ALS2: variants seen among roughly 807,000 people sequenced by gnomAD.
The protein encoded by ALS2 is alsin Rho guanine nucleotide exchange factor ALS2.
A neutral mutation model predicts 203.4 loss-of-function variants in ALS2; 117 were observed. The ratio of observed to expected loss-of-function variants is 0.58; its 90% CI spans 0.50 to 0.67. The LOEUF (loss-of-function observed/expected upper bound fraction) is 0.67, where lower values mean the gene tolerates loss of function less well. Among genes scored for constraint, ALS2 ranks in the 30% least tolerant of loss-of-function variants. The pLI is 0.00. For synonymous variants in ALS2, 718 were observed against 725.9 expected, an observed-to-expected ratio of 0.99 and a Z score of 0.17; for missense variants, 1,715 against 1,989.4, an observed-to-expected ratio of 0.86 and a Z score of 2.62.
chr2:201,716,178 C>G (rs1208572161), intron 24 of ALS2, among the ~76,000 whole-genome samples: 1 of 151,932 alleles, frequency 6.6e-6, no homozygotes, highest in African/African-American at 2.4e-5. Context: ...GAGGCCAAGG[C>G]AGGTGGAACA....
At chr2:201,760,532 A>G (rs1035804355) in intron 4 of ALS2, 72 of 1,045,046 alleles carry the variant, frequency 6.9e-5, no homozygotes, top group Admixed American at 9.9e-5. Context: ...AGTAAGAAGA[A>G]TCTTTGTGAA....
rs775986433 is a variant in ALS2, at chr2:201,741,747, G to C, written c.2278C>G (p.Leu760Val). 2.5e-6 allele frequency: 4 copies of C among 1,614,006 alleles called. No homozygotes were observed. The highest frequency in any genetic ancestry group is 2.7e-5 in the African/African-American group (2 of 74,902). Residue 760 changes from leucine (L) to valine (V), a missense_variant, in exon 11 of 34, where the codon CTT becomes GTT. This residue lies in a region of ALS2 where 1,227 missense variants were observed against 1,413.5 expected (regional missense o/e 0.87). Coordinates refer to ENST00000264276, the MANE Select transcript of ALS2 (RefSeq NM_020919.4). ...CTCCTGGCTTCCTTTACCCCATGAAGGAAGCTGCTCAATGAGGCTCCATGC... is the reference window on the plus strand; with the variant it reads ...CTCCTGGCTTCCTTTACCCCATGAACGAAGCTGCTCAATGAGGCTCCATGC... ...GQHGASLSSF[L>V]HGVKEARSLV...
chr2:201,728,390 G>A (rs1691330034), intron 15 of ALS2, 122 bp downstream of exon 15: 9 of 1,377,744 alleles, frequency 6.5e-6, no homozygotes, highest in Non-Finnish European at 8.2e-6. Context: ...ATGATGGCTA[G>A]CCTCTTTTAG....
At chr2:201,739,711 C>T (rs1344908160) in intron 11 of ALS2, among the ~76,000 whole-genome samples, 1 of 150,722 alleles carries the variant, frequency 6.6e-6, no homozygotes, top group Non-Finnish European at 1.5e-5. Context: ...CCATTGCACT[C>T]CAGCCTGGGC....
intron 1 of ALS2, among the ~76,000 whole-genome samples, chr2:201,776,403 A>G (rs867536883): frequency 6.6e-6 from 1 of 152,186 alleles, no homozygotes. Context: ...ACATGGTACA[A>G]TAAGTTCCCA....
chr2:201,718,796 T>G (rs750511735), intron 23 of ALS2, among the ~76,000 whole-genome samples: 5 of 152,142 alleles, frequency 3.3e-5, no homozygotes. Flanking sequence ...TAGGGGATGA[T>G]GTAAATTACA....
intron 23 of ALS2, among the ~76,000 whole-genome samples, chr2:201,721,438 T>G (rs1396720250): frequency 6.6e-6 from 1 of 152,228 alleles, no homozygotes; most frequent in African/African-American, 2.4e-5. Flanking sequence ...ATCTAGATGG[T>G]GTGGTATTAA....
chr2:201,702,001 T>G, intron 33 of ALS2, 112 bp from the exon 34 acceptor site: 1 of 918,182 alleles, frequency 1.1e-6, no homozygotes, highest in Non-Finnish European at 1.8e-6. Flanking sequence ...ATTCAGCTGA[T>G]GGCCCAACAG....
intron 2 of ALS2, 26 bp from the exon 3 acceptor site, chr2:201,767,409 A>G (rs1222362540): frequency 6.2e-7 from 1 of 1,611,768 alleles, no homozygotes; most frequent in Non-Finnish European, 8.5e-7. Context: ...ACATAGCTTA[A>G]TTGTTTCTAC....
intron 2 of ALS2, among the ~76,000 whole-genome samples, chr2:201,767,748 G>A (rs1380960556): frequency 6.6e-6 from 1 of 151,218 alleles, no homozygotes; most frequent in Non-Finnish European, 1.5e-5. Context: ...TGAACCTGTA[G>A]TCCCAGCTAC....
At chr2:201,745,484 T>C (rs1692571487) in intron 9 of ALS2, among the ~76,000 whole-genome samples, 1 of 152,100 alleles carries the variant, frequency 6.6e-6, no homozygotes, top group African/African-American at 2.4e-5. Context: ...TAGAATATAC[T>C]AGTTTTGGGG....
Position 201,757,625 on chromosome 2 carries a change from C to T in ALS2, c.1248G>A (p.Leu416=), listed in dbSNP as rs1211995765. The T allele has an allele frequency of 1.2e-6, 2 of 1,614,042 alleles. No individual in the cohort carries two copies. The highest frequency in any genetic ancestry group is 2.7e-5 in the African/African-American group (2 of 74,932). ...RVAATYEAGA[L]SLKKVMNFYS... is the part of the protein sequence containing the mutation. The stretch of plus-strand genomic sequence containing the variant: ...AAAAGTTCATAACTTTCTTCAGTGA[C>T]AAGGCACCAGCTTCATAAGTAGCAG... Residue 416 remains leucine (L), a synonymous_variant, in exon 5 of 34, where the codon TTG becomes TTA. Coordinates refer to ENST00000264276, the MANE Select transcript of ALS2 (RefSeq NM_020919.4).
At chr2:201,756,564 T>C (rs1051615724) in intron 5 of ALS2, among the ~76,000 whole-genome samples, 1 of 152,226 alleles carries the variant, frequency 6.6e-6, no homozygotes, top group Non-Finnish European at 1.5e-5. Flanking sequence ...TATGTTTTTG[T>C]AAATAAAGTT....
chr2:201,752,122 G>T (rs1693102120), intron 7 of ALS2, among the ~76,000 whole-genome samples: 1 of 151,876 alleles, frequency 6.6e-6, no homozygotes, highest in South Asian at 2.1e-4. Context: ...GAATATTTTG[G>T]GGACTGTACT....
chr2:201,714,109 C>A (rs532225873), intron 25 of ALS2, among the ~76,000 whole-genome samples: 17 of 152,230 alleles, frequency 1.1e-4, no homozygotes, highest in Middle Eastern at 3.4e-3. Flanking sequence ...TAGCAAGACC[C>A]TGTCTCTATT....
At position 201,705,204 on chromosome 2, in the gene ALS2, C is replaced by A. The variant is rs765859367; in HGVS notation, c.4627-4G>T. On this transcript the variant is annotated splice_polypyrimidine_tract_variant and splice_region_variant and intron_variant, in intron 30 of 33. Transcript: ENST00000264276. Reference sequence around the variant, plus strand: ...CATCTTTCGTGGTTGGCAAAACCTGCAAAAAAGAGAGTGAAGGTCAAGGAG... The same window carrying A: ...CATCTTTCGTGGTTGGCAAAACCTGAAAAAAAGAGAGTGAAGGTCAAGGAG... 1.9e-6 allele frequency: 3 copies of A among 1,613,720 alleles called. No homozygotes were observed. Among genetic ancestry groups the A allele is most frequent in the Non-Finnish European group, 8.5e-7 (1 of 1,179,796 alleles).
chr2:201,718,182 T>C lies in ALS2; in HGVS notation c.3731A>G (p.Tyr1244Cys). 6.2e-7 allele frequency: 1 copy of C among 1,613,562 alleles called. No individual in the cohort carries two copies. The highest frequency in any genetic ancestry group is 1.1e-5 in the South Asian group (1 of 91,066). The change falls in exon 24 of 34, where the codon TAC becomes TGC. Residue 1244 changes from tyrosine to cysteine, a missense_variant. By Grantham distance (194) the Tyr-to-Cys change is radical. Transcript: ENST00000264276. ...TTCTCCACTAAAATAACCTTCAATG[T>C]AGTCTCCATTTGGCATAGTCAGTGT... Reference protein sequence around the residue: ...KGTLTMPNGDYIEGYFSGEWG... With the variant: ...KGTLTMPNGDCIEGYFSGEWG...
chr2:201,774,802 G>A (rs1694582477), intron 1 of ALS2, among the ~76,000 whole-genome samples: 2 of 152,084 alleles, frequency 1.3e-5, no homozygotes, highest in South Asian at 2.1e-4. Context: ...TTCCATGGAA[G>A]CAGAGTGACA....
At chr2:201,728,925 C>T in intron 14 of ALS2, 127 bp downstream of exon 14, 9 of 1,448,844 alleles carry the variant, frequency 6.2e-6, no homozygotes, top group Non-Finnish European at 8.7e-6. Flanking sequence ...GGTCCTTAGA[C>T]ATTTTAGGAA....
Sources: gnomAD v4.1 joint callset for allele counts (sites outside exome capture counted in the v4.1 genomes callset) on GRCh38, gnomAD v4.1.1 for gene constraint, gnomAD v4.1.1 regional missense constraint, MANE v1.5 for transcripts, NCBI Gene and HGNC (gene_info 2026-07-23, HGNC 2026-07-21) for gene names.